The following RAD51B variants were observed in gnomAD, a reference collection of about 807,000 sequenced individuals.
RAD51B encodes RAD51 paralog B, also known as DNA repair protein RAD51 homolog 2.
A neutral mutation model predicts 42.2 loss-of-function variants in RAD51B; 38 were observed. The observed-to-expected ratio is 0.90, with a 90% CI of 0.70 to 1.18. The LOEUF (loss-of-function observed/expected upper bound fraction) is 1.18. RAD51B is among the 50% of genes most tolerant of loss of function. RAD51B has a pLI of 0.00. For missense variants in RAD51B, 373 were observed against 400.7 expected (o/e 0.93, Z 0.59); for synonymous variants, 154 against 145.2 (o/e 1.06, Z -0.43).
intron 9 of RAD51B, among the ~76,000 whole-genome samples, chr14:68,456,923 C>CTTTTTTTTTTTTTTTTTTTTTTTTTTTTT (rs1176116647): frequency 1.5e-4 from 9 of 60,588 alleles, no homozygotes; most frequent in Non-Finnish European, 1.2e-4. Flanking sequence ...TTTTTTTTTG[C>CTTTTTTTTTTTTTTTTTTTTTTTTTTTTT]TTTTTTTGAG....
At chr14:68,183,078 G>T (rs569324906) in intron 7 of RAD51B, among the ~76,000 whole-genome samples, 1 of 152,260 alleles carries the variant, frequency 6.6e-6, no homozygotes, top group East Asian at 1.9e-4. Context: ...CTCTAGAGGG[G>T]TAGAACTAAC....
intron 5 of RAD51B, among the ~76,000 whole-genome samples, chr14:67,884,273 A>T (rs2043000664): frequency 6.6e-6 from 1 of 152,178 alleles, no homozygotes. Flanking sequence ...CAGCAATGGC[A>T]AAGCAGCAGT....
At chr14:67,899,202 C>A (rs576055201) in intron 7 of RAD51B, among the ~76,000 whole-genome samples, 2 of 151,890 alleles carry the variant, frequency 1.3e-5, no homozygotes, top group African/African-American at 4.8e-5. Flanking sequence ...GCCACCACGC[C>A]CGGCTAATTT....
At chr14:68,644,687 C>T (rs990305198) in intron 10 of RAD51B, among the ~76,000 whole-genome samples, 3 of 152,060 alleles carry the variant, frequency 2.0e-5, no homozygotes, top group Non-Finnish European at 4.4e-5. Flanking sequence ...TTAGTCTGGC[C>T]TCTCCTATGT....
intron 7 of RAD51B, among the ~76,000 whole-genome samples, chr14:68,187,566 G>A (rs1040734358): frequency 7.2e-5 from 11 of 152,010 alleles, no homozygotes; most frequent in Non-Finnish European, 1.5e-4. Context: ...TTTTATGTTT[G>A]TAAAAGTAAT....
intron 7 of RAD51B, among the ~76,000 whole-genome samples, chr14:67,943,410 A>G (rs1462367818): frequency 6.6e-6 from 1 of 152,138 alleles, no homozygotes; most frequent in Non-Finnish European, 1.5e-5. Context: ...TAATGTGTTG[A>G]ATTTTTCTGA....
intron 10 of RAD51B, among the ~76,000 whole-genome samples, chr14:68,603,008 A>G (rs187174938): frequency 9.8e-4 from 150 of 152,340 alleles, no homozygotes; most frequent in Non-Finnish European, 1.7e-3. Context: ...GGGATGGGCT[A>G]CACTCTGCTC....
chr14:68,586,941 GTTGCAGTGAGTCGAGATCACGCCA>G (rs1269848515), intron 10 of RAD51B, among the ~76,000 whole-genome samples: 49 of 152,004 alleles, frequency 3.2e-4, no homozygotes, highest in Non-Finnish European at 3.7e-4. Flanking sequence ...GGAGGCAGAG[GTTGCAGTGAGTCGAGATCACGCCA>G]TTGCAGTGAG....
At chr14:68,671,832 T>A (rs1252250795) in intron 11 of RAD51B, among the ~76,000 whole-genome samples, 5 of 146,690 alleles carry the variant, frequency 3.4e-5, no homozygotes, top group African/African-American at 5.0e-5. Context: ...AAAAAAAAAA[T>A]GTAAGTGATC....
chr14:68,199,839 C>T (rs1017350337), intron 7 of RAD51B, among the ~76,000 whole-genome samples: 4 of 152,162 alleles, frequency 2.6e-5, no homozygotes, highest in African/African-American at 4.8e-5. Flanking sequence ...CATGGTGATA[C>T]GCCACCTACT....
chr14:68,585,892 A>G (rs1362846009), intron 10 of RAD51B, among the ~76,000 whole-genome samples: 1 of 151,886 alleles, frequency 6.6e-6, no homozygotes, highest in Non-Finnish European at 1.5e-5. Flanking sequence ...CAGAGGGGGG[A>G]GACAACTCAG....
At chr14:68,056,748 A>C (rs2076481982) in intron 7 of RAD51B, among the ~76,000 whole-genome samples, 1 of 151,602 alleles carries the variant, frequency 6.6e-6, no homozygotes, top group African/African-American at 2.4e-5. Context: ...ACTCCGTCTC[A>C]AAAATAAATA....
At chr14:68,608,109 AT>A (rs1891527185) in intron 10 of RAD51B, among the ~76,000 whole-genome samples, 1 of 152,180 alleles carries the variant, frequency 6.6e-6, no homozygotes. Flanking sequence ...AGCGCGTGCC[AT>A]GAGAGACCAC....
intron 8 of RAD51B, among the ~76,000 whole-genome samples, chr14:68,360,205 G>C (rs2082995072): frequency 6.6e-6 from 1 of 152,012 alleles, no homozygotes; most frequent in Non-Finnish European, 1.5e-5. Flanking sequence ...TGTACTCCTA[G>C]ACTGAGCTGC....
chr14:68,502,559 GCA>G (rs1412568084), intron 10 of RAD51B, among the ~76,000 whole-genome samples: 1 of 152,190 alleles, frequency 6.6e-6, no homozygotes, highest in Non-Finnish European at 1.5e-5. Flanking sequence ...GGGAATCAAA[GCA>G]CACAAAAAAT....
intron 10 of RAD51B, among the ~76,000 whole-genome samples, chr14:68,503,967 G>C (rs1011253536): frequency 2.6e-5 from 4 of 152,240 alleles, no homozygotes; most frequent in African/African-American, 9.6e-5. Context: ...AGAGTCGGTA[G>C]ATAATAAAAC....
intron 7 of RAD51B, among the ~76,000 whole-genome samples, chr14:68,220,799 T>C (rs1317965981): frequency 6.6e-6 from 1 of 152,176 alleles, no homozygotes; most frequent in Non-Finnish European, 1.5e-5. Context: ...TCAGTAGCTC[T>C]GCTATACACC....
chr14:68,601,403 A>AC (rs1207243377), intron 10 of RAD51B, among the ~76,000 whole-genome samples: 1 of 152,112 alleles, frequency 6.6e-6, no homozygotes, highest in Non-Finnish European at 1.5e-5. Context: ...TATAGTTTCC[A>AC]TGCCTATAAA....
intron 7 of RAD51B, among the ~76,000 whole-genome samples, chr14:68,104,895 T>C (rs1352772653): frequency 6.6e-6 from 1 of 152,112 alleles, no homozygotes; most frequent in Non-Finnish European, 1.5e-5. Context: ...AAATGCATGA[T>C]TTTACTATGC....
Sources: allele counts gnomAD v4.1 joint callset (sites outside exome capture counted in the v4.1 genomes callset), GRCh38; gene constraint gnomAD v4.1.1; transcripts MANE v1.5; gene names NCBI Gene and HGNC (gene_info 2026-07-23, HGNC 2026-07-21).